The following PDZD2 variants were observed in gnomAD, a reference collection of about 807,000 sequenced individuals.
PDZD2 encodes the protein PDZ domain containing 2.
Under a neutral mutation model 220.7 loss-of-function variants are expected in PDZD2, and 90 were observed. The observed-to-expected ratio is 0.41, with a 90% confidence interval of 0.34 to 0.49. The LOEUF is 0.49. Among genes scored for constraint, PDZD2 ranks in the 20% least tolerant of loss-of-function variants. The pLI is 0.28. For synonymous variants in PDZD2, 1,375 were observed against 1,450.5 expected (o/e 0.95, Z 1.18); for missense variants, 3,174 against 3,608.5 (o/e 0.88, Z 3.08).
intron 2 of PDZD2, among the ~76,000 whole-genome samples, chr5:31,955,457 C>T (rs949673490): frequency 4.6e-4 from 70 of 151,988 alleles, no homozygotes; most frequent in African/African-American, 1.4e-3. Context: ...TGCACCACCA[C>T]GCCCAGCTAA....
chr5:32,065,700 A>G (rs561288069), intron 14 of PDZD2, among the ~76,000 whole-genome samples: 1 of 152,344 alleles, frequency 6.6e-6, no homozygotes, highest in Non-Finnish European at 1.5e-5. Flanking sequence ...ATCCTCAGAA[A>G]GGTCTTGCAT....
intron 2 of PDZD2, among the ~76,000 whole-genome samples, chr5:31,931,703 GGCCAGAGA>G (rs1235698638): frequency 6.6e-6 from 1 of 152,210 alleles, no homozygotes; most frequent in East Asian, 1.9e-4. Flanking sequence ...CTGAAAAGGG[GGCCAGAGA>G]GCTGGAGGCA....
Position 32,048,563 on chromosome 5 carries a change from T to C in PDZD2, c.1544T>C (p.Val515Ala). The change falls in exon 8 of 25, where the codon GTT (valine) becomes GCT (alanine). Residue 515 changes from valine (V) to alanine (A), a missense_variant. Val to Ala is a moderately conservative substitution (Grantham distance 64). Coordinates refer to ENST00000438447, the MANE Select transcript of PDZD2 (RefSeq NM_178140.4). ...LSGGVHRLES[V>A]EEYNELMVRN... ...GGGGGTGTACACCGCCTTGAGTCAG[T>C]TGAAGAATATAACGAGCTGATGGTG... 2 of 1,613,870 alleles carry C rather than the reference T, an allele frequency of 1.2e-6. No homozygotes were observed. Among genetic ancestry groups the C allele is most frequent in the Non-Finnish European group, 1.7e-6 (2 of 1,179,822 alleles).
rs3037132 is a variant in PDZD2, at chr5:31,910,410, CTT to C, written c.477-72732_477-72731del. Among the ~76,000 whole-genome samples, 393 of 133,124 alleles carry C rather than the reference CTT, an allele frequency of 3.0e-3. 3 individuals carry two copies. The highest frequency in any genetic ancestry group is 8.5e-3 in the African/African-American group (306 of 35,886). 87.3% of individuals were successfully genotyped at this position (133,124 alleles called of 152,430 possible). ...TAATTTTTATTTTTTCTTTTCCTTTCTTTTTTTTTTTTTTGAGACAGAGTCTC... is the reference window on the plus strand; with the variant it reads ...TAATTTTTATTTTTTCTTTTCCTTTCTTTTTTTTTTTTGAGACAGAGTCTC... On this transcript the variant is annotated intron_variant, in intron 2 of 24. Transcript: ENST00000438447.
intron 1 of PDZD2, among the ~76,000 whole-genome samples, chr5:31,662,288 G>A (rs1270197015): frequency 2.0e-5 from 3 of 152,068 alleles, no homozygotes; most frequent in Non-Finnish European, 4.4e-5. Context: ...TCTAGCCTGG[G>A]CGACAAGGAT....
intron 2 of PDZD2, among the ~76,000 whole-genome samples, chr5:31,931,863 G>C (rs1745321114): frequency 6.6e-6 from 1 of 152,106 alleles, no homozygotes; most frequent in African/African-American, 2.4e-5. Context: ...TGAACTCCAG[G>C]AGGGCTGGAT....
At chr5:31,989,429 T>TTTTTTTTTTTTTTTTTTTTA (rs1561278009) in intron 3 of PDZD2, among the ~76,000 whole-genome samples, 1 of 147,724 alleles carries the variant, frequency 6.8e-6, no homozygotes, top group African/African-American at 2.5e-5. Context: ...TTCTTTTTTT[T>TTTTTTTTTTTTTTTTTTTTA]TTTTTTTTTT....
At chr5:31,746,241 A>T (rs1161985032) in intron 1 of PDZD2, among the ~76,000 whole-genome samples, 3 of 152,230 alleles carry the variant, frequency 2.0e-5, no homozygotes, top group Non-Finnish European at 4.4e-5. Context: ...GGCCTCAGGA[A>T]GTTGAAGTCC....
At chr5:31,776,513 T>A (rs569768899) in intron 1 of PDZD2, among the ~76,000 whole-genome samples, 1 of 151,432 alleles carries the variant, frequency 6.6e-6, no homozygotes, top group South Asian at 2.1e-4. Context: ...AGAGACAGGT[T>A]ACTTATGTTG....
At chr5:31,784,699 GA>G (rs547489661) in intron 1 of PDZD2, among the ~76,000 whole-genome samples, 15,144 of 152,166 alleles carry the variant, frequency 0.1, 829 homozygotes, top group South Asian at 0.18. Context: ...ACGAGGTCAG[GA>G]GTTCAAGACC....
At chr5:31,861,738 C>G (rs1290489059) in intron 2 of PDZD2, among the ~76,000 whole-genome samples, 1 of 152,292 alleles carries the variant, frequency 6.6e-6, no homozygotes, top group East Asian at 1.9e-4. Context: ...TGCCTGCAGA[C>G]TTGGTATGGT....
chr5:31,760,429 TAAGG>T (rs1369085973), intron 1 of PDZD2, among the ~76,000 whole-genome samples: 1 of 152,066 alleles, frequency 6.6e-6, no homozygotes, highest in African/African-American at 2.4e-5. Context: ...ACTATAAAAA[TAAGG>T]AAGAAATTAG....
intron 1 of PDZD2, among the ~76,000 whole-genome samples, chr5:31,644,359 G>T (rs1295919291): frequency 6.6e-6 from 1 of 152,202 alleles, no homozygotes; most frequent in African/African-American, 2.4e-5. Context: ...TTCTAGCGGG[G>T]AGTGTTTGAA....
At chr5:32,064,022 G>A (rs1739952107) in intron 14 of PDZD2, among the ~76,000 whole-genome samples, 1 of 152,178 alleles carries the variant, frequency 6.6e-6, no homozygotes, top group Non-Finnish European at 1.5e-5. Context: ...CTCAGCATCA[G>A]CGTCACACTC....
At chr5:31,973,037 A>T (rs545847809) in intron 2 of PDZD2, among the ~76,000 whole-genome samples, 2 of 152,370 alleles carry the variant, frequency 1.3e-5, no homozygotes, top group African/African-American at 4.8e-5. Flanking sequence ...TTATAAAATC[A>T]GTTCTCATTG....
Position 32,058,066 on chromosome 5 carries a change from C to T in PDZD2, c.2163C>T (p.Pro721=), listed in dbSNP as rs1396939193. 1 of 1,606,192 alleles carries T rather than the reference C, an allele frequency of 6.2e-7. No individual in the cohort carries two copies. Among genetic ancestry groups the T allele is most frequent in the Non-Finnish European group, 8.5e-7 (1 of 1,172,798 alleles). The change falls in exon 12 of 25, where the codon CCC becomes CCT. Residue 721 remains proline (P), a synonymous_variant. Coordinates refer to ENST00000438447, the MANE Select transcript of PDZD2 (RefSeq NM_178140.4). The part of the protein sequence containing the change: ...SSSLGRKTPG[P]KDRIVMEVTL... Reference sequence around the variant, plus strand: ...CCCTGGGTCGGAAGACCCCTGGGCCCAAGGACAGGATCGTCATGGAAGTAA... The same window carrying T: ...CCCTGGGTCGGAAGACCCCTGGGCCTAAGGACAGGATCGTCATGGAAGTAA...
intron 1 of PDZD2, among the ~76,000 whole-genome samples, chr5:31,793,986 T>A (rs1258539084): frequency 6.6e-6 from 1 of 152,122 alleles, no homozygotes; most frequent in African/African-American, 2.4e-5. Context: ...CTGTGCAAAC[T>A]CCAGGTGGCC....
intron 2 of PDZD2, among the ~76,000 whole-genome samples, chr5:31,881,368 G>GTGTA (rs1554088494): frequency 1.1e-3 from 95 of 83,432 alleles, no homozygotes; most frequent in Non-Finnish European, 1.9e-3. Context: ...GTGTGTGTGT[G>GTGTA]TATATATTTT....
chr5:31,751,428 G>T (rs1328101489), intron 1 of PDZD2, among the ~76,000 whole-genome samples: 4 of 152,116 alleles, frequency 2.6e-5, no homozygotes, highest in Non-Finnish European at 5.9e-5. Context: ...TGAAGCCAAT[G>T]AAAAGACTTT....
Sources: allele counts gnomAD v4.1 joint callset (sites outside exome capture counted in the v4.1 genomes callset), GRCh38; gene constraint gnomAD v4.1.1; transcripts MANE v1.5; gene names NCBI Gene and HGNC (gene_info 2026-07-23, HGNC 2026-07-21).